The following OR51B5 variants were observed in gnomAD, a reference collection of about 807,000 sequenced individuals.
OR51B5 encodes the protein olfactory receptor 51B5.
For synonymous variants in OR51B5, 186 were observed against 144.8 expected (o/e 1.28, Z -2.04); for missense variants, 456 against 374.6 (o/e 1.22, Z -1.79).
intron 1 of OR51B5, among the ~76,000 whole-genome samples, chr11:5,354,527 G>C (rs146422243): frequency 1.7e-4 from 26 of 152,110 alleles, no homozygotes; most frequent in African/African-American, 6.0e-4. Flanking sequence ...GTGGAGTCCC[G>C]TGAAACAGAG....
intron 1 of OR51B5, among the ~76,000 whole-genome samples, chr11:5,479,417 G>A (rs1851378701): frequency 6.6e-6 from 1 of 151,780 alleles, no homozygotes; most frequent in African/African-American, 2.4e-5. Flanking sequence ...ATGCCAAAAT[G>A]TAAAGACCAT....
chr11:5,422,673 T>C lies in OR51B5; in HGVS notation n.85-75763A>G, dbSNP rs1850365709. 5 of 1,613,774 alleles carry C rather than the reference T, an allele frequency of 3.1e-6. No homozygotes were observed. The African/African-American group carries it at 5.3e-5, about 17-fold the overall frequency. ...ATCATTTGCTGCTGTGTTCTGGCGG[T>C]TCTTCCCTCCCTTTTCTTACTCAAG... On this transcript the variant is annotated intron_variant and non_coding_transcript_variant, in intron 1 of 4. Transcript: ENST00000415970.
intron 1 of OR51B5, chr11:5,392,047 T>G (rs1439291231): frequency 6.6e-6 from 1 of 151,390 alleles, no homozygotes; most frequent in Non-Finnish European, 1.5e-5. Flanking sequence ...GGTGACCAAG[T>G]GAGACCCCGA....
At chr11:5,404,191 T>C (rs543384583) in intron 1 of OR51B5, among the ~76,000 whole-genome samples, 1 of 150,856 alleles carries the variant, frequency 6.6e-6, no homozygotes, top group Non-Finnish European at 1.5e-5. Context: ...GGGGCGGAAC[T>C]TGAAGAACTT....
At chr11:5,356,955 C>A (rs1450050746) in intron 1 of OR51B5, among the ~76,000 whole-genome samples, 1 of 151,658 alleles carries the variant, frequency 6.6e-6, no homozygotes, top group Non-Finnish European at 1.5e-5. Flanking sequence ...CAGGCCTGAC[C>A]TAAAAGAGCT....
intron 1 of OR51B5, among the ~76,000 whole-genome samples, chr11:5,420,118 A>C (rs1452660143): frequency 6.6e-6 from 1 of 151,944 alleles, no homozygotes; most frequent in Non-Finnish European, 1.5e-5. Context: ...TTATTACATA[A>C]AAGTCTATTT....
At chr11:5,374,773 A>C (rs1849498038) in intron 1 of OR51B5, among the ~76,000 whole-genome samples, 1 of 152,132 alleles carries the variant, frequency 6.6e-6, no homozygotes, top group Non-Finnish European at 1.5e-5. Context: ...CGAGAAGGGA[A>C]GTTTAGAGAA....
chr11:5,479,118 C>T lies in OR51B5; in HGVS notation n.84+26451G>A, dbSNP rs1236537757. 2.9e-3 allele frequency among the ~76,000 whole-genome samples: 438 copies of T among 149,598 alleles called. 3 individuals are homozygous for T. Among genetic ancestry groups the T allele is most frequent in the African/African-American group, 7.7e-3 (314 of 40,802 alleles). ...GTTAAGGGCAGCCAGAGAGAAAGGTCGGGTTACCCTCAAAGGGAAGCCCAT... is the reference window on the plus strand; with the variant it reads ...GTTAAGGGCAGCCAGAGAGAAAGGTTGGGTTACCCTCAAAGGGAAGCCCAT... On this transcript the variant is annotated intron_variant and non_coding_transcript_variant, in intron 1 of 4. Transcript: ENST00000415970.
At chr11:5,352,285 C>A in intron 1 of OR51B5, 1 of 1,614,222 alleles carries the variant, frequency 6.2e-7, no homozygotes, top group South Asian at 1.1e-5. Context: ...GACATTTATT[C>A]ATAGGTTTGG....
At chr11:5,384,200 G>A (rs906253536) in intron 1 of OR51B5, among the ~76,000 whole-genome samples, 2 of 152,004 alleles carry the variant, frequency 1.3e-5, no homozygotes, top group African/African-American at 4.8e-5. Context: ...TTAGAAATGA[G>A]GTCTAGCTCT....
At chr11:5,440,551 T>C (rs752044764) in intron 1 of OR51B5, 2 of 1,581,942 alleles carry the variant, frequency 1.3e-6, no homozygotes. Context: ...AAAGGAGCTT[T>C]TGGGGCCTTC....
chr11:5,478,991 G>A (rs986820952), intron 1 of OR51B5, among the ~76,000 whole-genome samples: 17 of 152,000 alleles, frequency 1.1e-4, no homozygotes, highest in Admixed American at 3.3e-4. Context: ...TCAACGTTCA[G>A]ATTCAGGAAA....
intron 1 of OR51B5, among the ~76,000 whole-genome samples, chr11:5,407,778 G>A (rs1850080809): frequency 6.6e-6 from 1 of 150,524 alleles, no homozygotes; most frequent in Admixed American, 6.6e-5. Flanking sequence ...AAATTTCAAT[G>A]TTATTCAAAA....
At chr11:5,453,541 C>T in intron 1 of OR51B5, 1 of 1,599,690 alleles carries the variant, frequency 6.3e-7, no homozygotes, top group African/African-American at 1.3e-5. Flanking sequence ...ACTGGTATCC[C>T]TGGTCTGGAG....
intron 1 of OR51B5, among the ~76,000 whole-genome samples, chr11:5,412,878 A>G (rs1404305620): frequency 2.6e-5 from 4 of 151,844 alleles, no homozygotes; most frequent in Non-Finnish European, 5.9e-5. Flanking sequence ...CAGACAAACA[A>G]GAAAACAGCA....
upstream of OR51B5, among the ~76,000 whole-genome samples, chr11:5,344,910 G>T (rs1848966797): frequency 6.6e-6 from 1 of 152,188 alleles, no homozygotes; most frequent in Admixed American, 6.5e-5. Context: ...ATAGCAGTTT[G>T]AGGGGCCTAG....
intron 1 of OR51B5, among the ~76,000 whole-genome samples, chr11:5,460,839 AG>A (rs913799299): frequency 4.6e-5 from 7 of 152,222 alleles, no homozygotes; most frequent in African/African-American, 1.7e-4. Flanking sequence ...ATGCTTTCAA[AG>A]GGCCAAGGTT....
intron 1 of OR51B5, among the ~76,000 whole-genome samples, chr11:5,478,238 C>G (rs1243748729): frequency 6.6e-6 from 1 of 152,032 alleles, no homozygotes; most frequent in Non-Finnish European, 1.5e-5. Flanking sequence ...GAGGCACCCC[C>G]CAGCAGGGGC....
intron 1 of OR51B5, chr11:5,489,718 C>A: frequency 8.6e-7 from 1 of 1,159,906 alleles, no homozygotes; most frequent in Admixed American, 1.9e-5. Flanking sequence ...TGTCTAGATA[C>A]ATTTACATGG....
Sources: allele counts gnomAD v4.1 joint callset (sites outside exome capture counted in the v4.1 genomes callset), GRCh38; gene constraint gnomAD v4.1.1; transcripts MANE v1.5; gene names NCBI Gene and HGNC (gene_info 2026-07-23, HGNC 2026-07-21).